The following NHS variants were observed in gnomAD, a reference collection of about 807,000 sequenced individuals.
NHS encodes the protein NHS actin remodeling regulator.
A neutral mutation model predicts 72.5 loss-of-function variants in NHS; 5 were observed. That is an observed-to-expected ratio of 0.07 (90% CI 0.04 to 0.14). The LOEUF (loss-of-function observed/expected upper bound fraction) is 0.14. Ranked by LOEUF, NHS falls within the 10% of genes least tolerant of loss-of-function variation. NHS has a pLI of 1.00. For missense variants in NHS, 1,072 were observed against 1,355.7 expected (o/e 0.79, Z 3.29); for synonymous variants, 464 against 547.7 (o/e 0.85, Z 2.13).
At chrX:17,607,395 G>C (rs1281039505) in intron 1 of NHS, among the ~76,000 whole-genome samples, 2 of 111,840 alleles carry the variant, frequency 1.8e-5, no homozygotes, top group Non-Finnish European at 3.8e-5. Context: ...CCCTTGGGGA[G>C]GTTCTACTCT....
chrX:17,435,803 G>T (rs182456316), intron 1 of NHS, among the ~76,000 whole-genome samples: 14 of 112,060 alleles, frequency 1.2e-4, no homozygotes, highest in Non-Finnish European at 2.1e-4. Flanking sequence ...CATAATGGAG[G>T]AGTCCACTGG....
intron 1 of NHS, among the ~76,000 whole-genome samples, chrX:17,607,893 C>T (rs1030714153): frequency 9.4e-6 from 1 of 106,447 alleles, no homozygotes; most frequent in East Asian, 2.9e-4. Flanking sequence ...ATCCAGGTTT[C>T]GTTTCTTCTC....
intron 1 of NHS, among the ~76,000 whole-genome samples, chrX:17,626,273 C>T (rs1176797124): frequency 3.6e-5 from 4 of 111,863 alleles, no homozygotes; most frequent in African/African-American, 1.3e-4. Flanking sequence ...GCCTAGAAAA[C>T]TGGTGCCATG....
At chrX:17,722,867 T>A (rs2066414238) in intron 5 of NHS, among the ~76,000 whole-genome samples, 1 of 110,924 alleles carries the variant, frequency 9.0e-6, no homozygotes, top group African/African-American at 3.3e-5. Flanking sequence ...TCAAATTTAG[T>A]GCTATGATTA....
chrX:17,493,978 A>G (rs767979295), intron 1 of NHS, among the ~76,000 whole-genome samples: 59 of 110,063 alleles, frequency 5.4e-4, no homozygotes, highest in African/African-American at 1.7e-3. Flanking sequence ...CAGTTTCCTC[A>G]TCTGAAAGGT....
At chrX:17,667,983 T>C (rs2066022856) in intron 1 of NHS, among the ~76,000 whole-genome samples, 1 of 106,803 alleles carries the variant, frequency 9.4e-6, no homozygotes. Flanking sequence ...CCAGGCATGG[T>C]GGCTCATGCC....
intron 1 of NHS, among the ~76,000 whole-genome samples, chrX:17,409,022 T>C (rs975248432): frequency 1.8e-5 from 2 of 111,167 alleles, no homozygotes; most frequent in East Asian, 5.7e-4. Flanking sequence ...CTGATAAAGA[T>C]GCTAATTCAC....
intron 1 of NHS, among the ~76,000 whole-genome samples, chrX:17,608,665 A>G (rs1171460441): frequency 9.0e-6 from 1 of 110,871 alleles, no homozygotes; most frequent in Non-Finnish European, 1.9e-5. Context: ...AGAAACAATG[A>G]AAAGACTTTT....
chrX:17,393,556 C>G (rs151142754), intron 1 of NHS, among the ~76,000 whole-genome samples: 1 of 112,378 alleles, frequency 8.9e-6, no homozygotes, highest in Non-Finnish European at 1.9e-5. Flanking sequence ...TTCAGCTCTT[C>G]CTCTGTGAGG....
intron 1 of NHS, among the ~76,000 whole-genome samples, chrX:17,380,881 C>T (rs989093162): frequency 4.5e-5 from 5 of 111,166 alleles, no homozygotes; most frequent in Admixed American, 9.5e-5. Context: ...CATCCATGGC[C>T]GCTGGAGGGA....
intron 1 of NHS, among the ~76,000 whole-genome samples, chrX:17,391,156 T>C (rs1378353448): frequency 8.9e-6 from 1 of 112,009 alleles, no homozygotes; most frequent in Non-Finnish European, 1.9e-5. Flanking sequence ...GCCAGCCTGG[T>C]TGGATCAAGC....
At chrX:17,441,787 T>C (rs192755841) in intron 1 of NHS, among the ~76,000 whole-genome samples, 81 of 111,826 alleles carry the variant, frequency 7.2e-4, no homozygotes, top group African/African-American at 2.4e-3. Flanking sequence ...ACAATGACAG[T>C]GACCATATGT....
rs780739807 is a variant in NHS at position 17,467,179 on chromosome X, C to T, written c.565+90857C>T. On this transcript the variant is annotated intron_variant, in intron 1 of 8. Coordinates refer to ENST00000676302, the MANE Select transcript of NHS (RefSeq NM_001291867.2). ...TTTTTTAAAATTACCTTTTCTTCTACATTACCTTAATGTTCCTAATTAATG... is the reference window on the plus strand; with the variant it reads ...TTTTTTAAAATTACCTTTTCTTCTATATTACCTTAATGTTCCTAATTAATG... Among the ~76,000 whole-genome samples, 3 of 111,860 alleles carry T rather than the reference C, an allele frequency of 2.7e-5. No individual in the cohort carries two copies. In the South Asian group the frequency reaches 1.1e-3, roughly 42 times the overall value.
chrX:17,543,238 C>G lies in NHS; in HGVS notation c.566-144504C>G, dbSNP rs139654236. ...GTATAAGCCACAGGGCAGCATTATC[C>G]TTATCTGCAACAGATATTCTGATGC... On this transcript the variant is annotated intron_variant, in intron 1 of 8. Transcript: ENST00000676302. Among the ~76,000 whole-genome samples the G allele has an allele frequency of 1.0e-2, 1,115 of 112,048 alleles. 16 individuals are homozygous for G. The highest frequency in any genetic ancestry group is 0.034 in the African/African-American group (1,044 of 30,828).
intron 1 of NHS, among the ~76,000 whole-genome samples, chrX:17,454,724 A>G (rs2064819033): frequency 8.9e-6 from 1 of 112,065 alleles, no homozygotes; most frequent in Non-Finnish European, 1.9e-5. Flanking sequence ...ATCAAAGGGT[A>G]TGAAAACACT....
At chrX:17,593,329 C>CT (rs1468131598) in intron 1 of NHS, among the ~76,000 whole-genome samples, 1 of 111,068 alleles carries the variant, frequency 9.0e-6, no homozygotes, top group Non-Finnish European at 1.9e-5. Flanking sequence ...AGCATTCCTG[C>CT]TTTTATTATT....
chrX:17,552,039 C>T (rs1335606688), intron 1 of NHS, among the ~76,000 whole-genome samples: 3 of 111,569 alleles, frequency 2.7e-5, no homozygotes, highest in Non-Finnish European at 5.7e-5. Context: ...GGGAGGAAAC[C>T]GAGGCTCAGA....
intron 1 of NHS, among the ~76,000 whole-genome samples, chrX:17,453,665 A>C (rs967502211): frequency 7.1e-5 from 8 of 112,429 alleles, no homozygotes; most frequent in Non-Finnish European, 1.3e-4. Flanking sequence ...ATACATTTAA[A>C]ATAACTGTTC....
intron 1 of NHS, among the ~76,000 whole-genome samples, chrX:17,593,815 C>A (rs750862161): frequency 3.6e-5 from 4 of 111,473 alleles, no homozygotes; most frequent in African/African-American, 1.3e-4. Flanking sequence ...ACTAAGGTTT[C>A]GAGGGGTTTT....
Sources: gnomAD v4.1 joint callset for allele counts (sites outside exome capture counted in the v4.1 genomes callset) on GRCh38, gnomAD v4.1.1 for gene constraint, MANE v1.5 for transcripts, NCBI Gene and HGNC (gene_info 2026-07-23, HGNC 2026-07-21) for gene names.